Variants in STAB2 observed in about 807,000 individuals in gnomAD.
The protein encoded by STAB2 is stabilin-2.
STAB2 carries 288 observed loss-of-function variants against 338.1 expected under a neutral mutation model. The ratio of observed to expected loss-of-function variants is 0.85; its 90% CI spans 0.77 to 0.94. STAB2 has a LOEUF of 0.94. Among genes scored for constraint, STAB2 ranks in the 40% least tolerant of loss-of-function variants. The pLI is 0.00. For missense variants in STAB2, 3,141 were observed against 3,210.1 expected (o/e 0.98, Z 0.52); for synonymous variants, 1,202 against 1,193.3 (o/e 1.01, Z -0.15).
At chr12:103,722,667 G>C (rs1880857390) in intron 44 of STAB2, among the ~76,000 whole-genome samples, 1 of 152,166 alleles carries the variant, frequency 6.6e-6, no homozygotes. Flanking sequence ...CTGACACTCA[G>C]GTGAAAGAGT....
intron 43 of STAB2, among the ~76,000 whole-genome samples, 200 bp from the exon 44 acceptor site, chr12:103,717,570 G>A (rs1880420015): frequency 6.6e-6 from 1 of 152,194 alleles, no homozygotes; most frequent in South Asian, 2.1e-4. Flanking sequence ...AGATCCCAGT[G>A]CTCAAGTGAA....
intron 5 of STAB2, among the ~76,000 whole-genome samples, chr12:103,628,169 A>G (rs1369705687): frequency 6.6e-6 from 1 of 152,246 alleles, no homozygotes; most frequent in Non-Finnish European, 1.5e-5. Flanking sequence ...AGTTTTGAAG[A>G]GAGGATGACA....
intron 64 of STAB2, among the ~76,000 whole-genome samples, chr12:103,758,564 TGA>T (rs897229531): frequency 6.6e-6 from 1 of 151,922 alleles, no homozygotes; most frequent in Non-Finnish European, 1.5e-5. Context: ...TGGCAGGGAG[TGA>T]GAGAGGCGAG....
At chr12:103,595,288 T>C (rs149034206) in intron 3 of STAB2, among the ~76,000 whole-genome samples, 3 of 152,318 alleles carry the variant, frequency 2.0e-5, no homozygotes, top group African/African-American at 4.8e-5. Flanking sequence ...TCTTCTTAGA[T>C]GTAATGAAAA....
chr12:103,749,290 T>C (rs1277626781), intron 59 of STAB2, 134 bp downstream of exon 59: 4 of 1,051,288 alleles, frequency 3.8e-6, no homozygotes, highest in Non-Finnish European at 2.6e-6. Flanking sequence ...CTGTTTCTTG[T>C]TAAAAGTCAT....
chr12:103,684,975 C>T lies in STAB2; in HGVS notation c.2902-14C>T. The T allele has an allele frequency of 6.2e-7, 1 of 1,612,520 alleles. No individual in the cohort carries two copies. Among genetic ancestry groups the T allele is most frequent in the Non-Finnish European group, 8.5e-7 (1 of 1,178,752 alleles). On this transcript the variant is annotated splice_polypyrimidine_tract_variant and intron_variant, in intron 26 of 68. Coordinates refer to ENST00000388887, the MANE Select transcript of STAB2 (RefSeq NM_017564.10). ...TTGTTGGGGTAACCATTTCTTTCAT[C>T]TTGGTTTTCTCAGGCAAGCTGTCAA...
At chr12:103,613,772 C>G (rs1024784062) in intron 3 of STAB2, among the ~76,000 whole-genome samples, 1 of 152,170 alleles carries the variant, frequency 6.6e-6, no homozygotes, top group Non-Finnish European at 1.5e-5. Flanking sequence ...CCGTCTTCTG[C>G]GTCGCTCATG....
intron 37 of STAB2, 123 bp from the exon 38 acceptor site, chr12:103,706,669 C>T (rs1879373741): frequency 7.6e-7 from 1 of 1,309,126 alleles, no homozygotes; most frequent in Admixed American, 2.0e-5. Flanking sequence ...CACCCCTCAC[C>T]CACTCCATGT....
At chr12:103,717,243 C>T (rs962498416) in intron 43 of STAB2, among the ~76,000 whole-genome samples, 1 of 152,204 alleles carries the variant, frequency 6.6e-6, no homozygotes, top group Non-Finnish European at 1.5e-5. Flanking sequence ...GACAGTGTCC[C>T]CTCCCTCAAC....
In STAB2 at chr12:103,750,659, C is replaced by T. The variant is rs748915644; in HGVS notation, c.6519C>T (p.Arg2173=). The stretch of plus-strand genomic sequence containing the variant: ...AGCCGGAGCAGCTGCCCATTGACCG[C>T]TGCTTACAGGACAATGGGCAGTGCC... ...NCEPEQLPID[R]CLQDNGQCHA... is the part of the protein sequence containing the mutation. The change falls in exon 60 of 69, where the codon CGC becomes CGT. Residue 2173 remains arginine, a synonymous_variant. Coordinates refer to ENST00000388887, the MANE Select transcript of STAB2 (RefSeq NM_017564.10). 1.9e-6 allele frequency: 3 copies of T among 1,614,246 alleles called. No individual in the cohort carries two copies. The highest frequency in any genetic ancestry group is 2.2e-5 in the South Asian group (2 of 91,088).
chr12:103,729,700 G>A (rs1388313257), intron 48 of STAB2, among the ~76,000 whole-genome samples: 4 of 152,154 alleles, frequency 2.6e-5, no homozygotes, highest in African/African-American at 4.8e-5. Context: ...AGCTGGGAAG[G>A]TTTGAAAGCT....
At position 103,614,038 on chromosome 12, in the gene STAB2, A is replaced by G. The variant is rs1018142182; in HGVS notation, c.332-6430A>G. On this transcript the variant is annotated intron_variant, in intron 3 of 68. Transcript: ENST00000388887. ...CTCTACCTTCTTGAATACATAGAGT[A>G]CAGTTATAATAACTATTTCTAAATC... 7.9e-5 allele frequency among the ~76,000 whole-genome samples: 12 copies of G among 152,184 alleles called. No homozygotes were observed. The East Asian group carries it at 1.9e-3, about 24-fold the overall frequency.
chr12:103,702,377 C>T (rs1878968584), intron 34 of STAB2, among the ~76,000 whole-genome samples: 1 of 151,588 alleles, frequency 6.6e-6, no homozygotes. Flanking sequence ...CGGCTCACTG[C>T]AAGCTCCGCT....
chr12:103,588,263 G>A (rs1269496643), intron 1 of STAB2, among the ~76,000 whole-genome samples: 1 of 152,192 alleles, frequency 6.6e-6, no homozygotes, highest in Non-Finnish European at 1.5e-5. Flanking sequence ...CTCTGATAAT[G>A]TTTTCATGAA....
chr12:103,683,721 G>A (rs1022877839), intron 26 of STAB2, among the ~76,000 whole-genome samples: 4 of 152,124 alleles, frequency 2.6e-5, no homozygotes, highest in African/African-American at 7.2e-5. Context: ...CTTCCATTTC[G>A]AATGTCACAA....
intron 24 of STAB2, among the ~76,000 whole-genome samples, chr12:103,676,883 ATC>A (rs1296430183): frequency 1.3e-5 from 2 of 152,168 alleles, no homozygotes; most frequent in African/African-American, 2.4e-5. Context: ...TGAGGATAAA[ATC>A]TAGATGAAAC....
intron 6 of STAB2, among the ~76,000 whole-genome samples, chr12:103,634,653 A>C (rs1285374611): frequency 1.3e-5 from 2 of 152,236 alleles, no homozygotes; most frequent in South Asian, 2.1e-4. Flanking sequence ...CCATGAAAAA[A>C]TTATTGGGAA....
intron 51 of STAB2, among the ~76,000 whole-genome samples, chr12:103,733,578 C>G (rs1404112078): frequency 6.6e-6 from 1 of 152,172 alleles, no homozygotes; most frequent in Non-Finnish European, 1.5e-5. Flanking sequence ...ACTGATTGAT[C>G]CAGCTTCAAT....
intron 5 of STAB2, among the ~76,000 whole-genome samples, chr12:103,629,526 C>A (rs1018034): frequency 0.16 from 24,358 of 152,082 alleles, 2,335 homozygotes; most frequent in South Asian, 0.41. Context: ...GCTGCTGGAG[C>A]CAGAGGAGCA....
Sources: gnomAD v4.1 joint callset for allele counts (sites outside exome capture counted in the v4.1 genomes callset) on GRCh38, gnomAD v4.1.1 for gene constraint, MANE v1.5 for transcripts, NCBI Gene and HGNC (gene_info 2026-07-23, HGNC 2026-07-21) for gene names.